Variants in CPLX4 observed in about 807,000 individuals in gnomAD.
CPLX4 encodes the protein complexin-4.
CPLX4 carries 17 observed loss-of-function variants against 16.1 expected under a neutral mutation model. That is an observed-to-expected ratio of 1.06 (90% CI 0.72 to 1.59). The LOEUF (loss-of-function observed/expected upper bound fraction) is 1.59, where lower values mean the gene tolerates loss of function less well. Among genes scored for constraint, CPLX4 ranks in the 40% most tolerant of loss-of-function variants. The pLI is 0.00. For synonymous variants in CPLX4, 55 were observed against 57.8 expected, an observed-to-expected ratio of 0.95 and a Z score of 0.22; for missense variants, 193 against 192.9, an observed-to-expected ratio of 1.00 and a Z score of 0.00.
At position 59,296,328 on chromosome 18, in the gene CPLX4, G is replaced by A. The variant is rs904032929; in HGVS notation, c.*370C>T. ...TCTCTGAAGGGACCTGGTGTCCTGC[G>A]AATAGTTGGACAGGGTGAGAACTTG... On this transcript the variant is annotated 3_prime_UTR_variant, in exon 3 of 3. Coordinates refer to ENST00000299721, the MANE Select transcript of CPLX4 (RefSeq NM_181654.4). 9 of 277,370 alleles carry A rather than the reference G, an allele frequency of 3.2e-5. No homozygotes were observed. Among genetic ancestry groups the A allele is most frequent in the African/African-American group, 1.2e-4 (5 of 42,778 alleles). 17.2% of individuals were successfully genotyped at this position (277,370 alleles called of 1,614,324 possible).
intron 2 of CPLX4, among the ~76,000 whole-genome samples, chr18:59,299,708 C>T (rs2070527057): frequency 6.6e-6 from 1 of 152,128 alleles, no homozygotes; most frequent in South Asian, 2.1e-4. Context: ...TTCTACGTTG[C>T]CTTATGGAGA....
Position 59,318,307 on chromosome 18 carries a change from C to A in CPLX4, c.156G>T (p.Met52Ile). Residue 52 changes from methionine to isoleucine, a missense_variant, in exon 1 of 3, where the codon ATG becomes ATT. By Grantham distance (10) the Met-to-Ile change is conservative. Transcript: ENST00000299721. ...REEYEEYQKQ[M>I]IEEKMERDAA... ...TAGCATGTACTCACTTCTCCTCAAT[C>A]ATTTGCTTTTGATACTCCTCATACT... The A allele has an allele frequency of 6.2e-7, 1 of 1,607,560 alleles. No individual in the cohort carries two copies. Among genetic ancestry groups the A allele is most frequent in the Non-Finnish European group, 8.5e-7 (1 of 1,177,622 alleles).
At position 59,310,913 on chromosome 18, in the gene CPLX4, G is replaced by T. The variant is rs543158626; in HGVS notation, c.255+1772C>A. On this transcript the variant is annotated intron_variant, in intron 2 of 2. Transcript: ENST00000299721. ...GTTGCCAAAAATAAATCTGTAAAAA[G>T]CCCTACATTCTGGACGATGCACACC... 4.6e-5 allele frequency among the ~76,000 whole-genome samples: 7 copies of T among 151,420 alleles called. No homozygotes were observed. In the South Asian group the frequency reaches 1.5e-3, roughly 32 times the overall value.
chr18:59,307,502 G>T (rs547724787), intron 2 of CPLX4, among the ~76,000 whole-genome samples: 1 of 152,146 alleles, frequency 6.6e-6, no homozygotes, highest in Non-Finnish European at 1.5e-5. Flanking sequence ...GTTTCCCTCC[G>T]AATACAGCAG....
intron 2 of CPLX4, among the ~76,000 whole-genome samples, chr18:59,305,058 G>A (rs538341474): frequency 6.6e-6 from 1 of 151,972 alleles, no homozygotes; most frequent in Non-Finnish European, 1.5e-5. Flanking sequence ...AGTAGGTGCA[G>A]ATATTTAGGG....
chr18:59,309,854 A>G (rs967243982), intron 2 of CPLX4, among the ~76,000 whole-genome samples: 6 of 151,448 alleles, frequency 4.0e-5, no homozygotes, highest in African/African-American at 1.5e-4. Flanking sequence ...AAAAAGAAAA[A>G]AAGAGTAGAA....
Position 59,296,620 on chromosome 18 carries a change from T to C in CPLX4, c.*78A>G, listed in dbSNP as rs17696504. 45 of 1,505,882 alleles carry C rather than the reference T, an allele frequency of 3.0e-5. No homozygotes were observed. In the South Asian group the frequency reaches 4.7e-4, roughly 16 times the overall value. 93.3% of individuals were successfully genotyped at this position (1,505,882 alleles called of 1,614,324 possible). The stretch of plus-strand genomic sequence containing the variant: ...TAACTGTGTTCACTACATTAAAACA[T>C]GTACTGCTTGAAACGTCCCACAAGA... On this transcript the variant is annotated 3_prime_UTR_variant, in exon 3 of 3. Coordinates refer to ENST00000299721, the MANE Select transcript of CPLX4 (RefSeq NM_181654.4).
At chr18:59,304,675 G>A (rs1224359775) in intron 2 of CPLX4, among the ~76,000 whole-genome samples, 1 of 152,058 alleles carries the variant, frequency 6.6e-6, no homozygotes, top group African/African-American at 2.4e-5. Context: ...TGGTTCAAGC[G>A]ATTCTCCTGC....
chr18:59,312,404 C>CAT (rs148898896), intron 2 of CPLX4, among the ~76,000 whole-genome samples: 2,433 of 139,026 alleles, frequency 0.018, 31 homozygotes, highest in Middle Eastern at 0.035. Flanking sequence ...TACGTGTGTG[C>CAT]ATATATATAT....
intron 2 of CPLX4, among the ~76,000 whole-genome samples, chr18:59,308,709 G>T (rs2070595217): frequency 6.6e-6 from 1 of 152,202 alleles, no homozygotes; most frequent in Non-Finnish European, 1.5e-5. Context: ...GCTGGCGACC[G>T]CTGCGCCCTC....
At chr18:59,300,773 A>G (rs1232761747) in intron 2 of CPLX4, among the ~76,000 whole-genome samples, 2 of 152,320 alleles carry the variant, frequency 1.3e-5, no homozygotes, top group South Asian at 4.1e-4. Flanking sequence ...AGTCTTGCAC[A>G]TGGGGTTAGC....
chr18:59,303,356 C>T (rs1331370215), intron 2 of CPLX4, among the ~76,000 whole-genome samples: 1 of 152,200 alleles, frequency 6.6e-6, no homozygotes, highest in Non-Finnish European at 1.5e-5. Flanking sequence ...CAGCTGTGCA[C>T]ATCTCATACC....
rs1244979420 is a variant in CPLX4, at chr18:59,310,149, T to C, written c.255+2536A>G. 2.6e-5 allele frequency among the ~76,000 whole-genome samples: 4 copies of C among 152,150 alleles called. No homozygotes were observed. In the East Asian group the frequency reaches 7.7e-4, roughly 29 times the overall value. On this transcript the variant is annotated intron_variant, in intron 2 of 2. Transcript: ENST00000299721. The stretch of plus-strand genomic sequence containing the variant: ...TGAAACAGCTGTAGAAAAGGGGCTA[T>C]ATGAACATCAGTAAGCCATGCAATG...
chr18:59,317,579 G>A (rs991557825), intron 1 of CPLX4, among the ~76,000 whole-genome samples: 32 of 152,042 alleles, frequency 2.1e-4, no homozygotes, highest in African/African-American at 6.8e-4. Flanking sequence ...ATTTGGGGGT[G>A]AAGTACATGA....
chr18:59,299,126 ATTAG>A (rs780557677), intron 2 of CPLX4, among the ~76,000 whole-genome samples: 3 of 152,208 alleles, frequency 2.0e-5, no homozygotes, highest in African/African-American at 7.2e-5. Flanking sequence ...TGTGGGATTA[ATTAG>A]TTAGTTAATC....
chr18:59,311,631 T>A (rs1468578404), intron 2 of CPLX4, among the ~76,000 whole-genome samples: 6 of 152,176 alleles, frequency 3.9e-5, no homozygotes, highest in African/African-American at 1.4e-4. Flanking sequence ...AGATGTTCTT[T>A]AAGGGATGGC....
Position 59,305,183 on chromosome 18 carries a change from C to A in CPLX4, c.255+7502G>T, listed in dbSNP as rs534544700. 2.0e-5 allele frequency among the ~76,000 whole-genome samples: 3 copies of A among 152,074 alleles called. No individual in the cohort carries two copies. The South Asian group carries it at 6.2e-4, about 32-fold the overall frequency. On this transcript the variant is annotated intron_variant, in intron 2 of 2. Transcript: ENST00000299721. Reference sequence around the variant, plus strand: ...TCATGGAAGGCCCTGGAAGAAGTGGCACTGACCAGAGTCTTACAGAAAGCA... The same window carrying A: ...TCATGGAAGGCCCTGGAAGAAGTGGAACTGACCAGAGTCTTACAGAAAGCA...
At chr18:59,310,060 A>G (rs140855213) in intron 2 of CPLX4, among the ~76,000 whole-genome samples, 69 of 151,896 alleles carry the variant, frequency 4.5e-4, no homozygotes, top group African/African-American at 1.5e-3. Flanking sequence ...TTATTAGATG[A>G]GCTTTATGGT....
intron 2 of CPLX4, among the ~76,000 whole-genome samples, chr18:59,299,633 C>T (rs73960763): frequency 0.024 from 3,686 of 152,310 alleles, 131 homozygotes; most frequent in African/African-American, 0.074. Flanking sequence ...TTTCCTCCTT[C>T]AAGGGTGACT....
Sources: allele counts gnomAD v4.1 joint callset (sites outside exome capture counted in the v4.1 genomes callset), GRCh38; gene constraint gnomAD v4.1.1; transcripts MANE v1.5; gene names NCBI Gene and HGNC (gene_info 2026-07-23, HGNC 2026-07-21).